GARRE1: variants seen among roughly 807,000 people sequenced by gnomAD.
GARRE1 encodes the protein granule associated Rac and RHOG effector protein 1.
In GARRE1, 49 loss-of-function variants were observed where a neutral mutation model predicts 103.2. That is an observed-to-expected ratio of 0.47 (90% CI 0.38 to 0.60). GARRE1 has a LOEUF of 0.60. Among genes scored for constraint, GARRE1 ranks in the 20% least tolerant of loss-of-function variants. The pLI is 0.00. For synonymous variants in GARRE1, 505 were observed against 532.8 expected, an observed-to-expected ratio of 0.95 and a Z score of 0.72; for missense variants, 1,199 against 1,370.5, an observed-to-expected ratio of 0.87 and a Z score of 1.98.
intron 1 of GARRE1, among the ~76,000 whole-genome samples, chr19:34,278,226 C>CT (rs2145219497): frequency 6.6e-6 from 1 of 151,882 alleles, no homozygotes; most frequent in Non-Finnish European, 1.5e-5. Context: ...GGTGGATCAC[C>CT]TGAGGTCAGA....
chr19:34,348,025 C>T lies in GARRE1; in HGVS notation c.2670C>T (p.Pro890=), dbSNP rs368456219. 22 of 1,497,220 alleles carry T rather than the reference C, an allele frequency of 1.5e-5. No individual in the cohort carries two copies. The highest frequency in any genetic ancestry group is 1.9e-4 in the Middle Eastern group (1 of 5,308). 92.7% of individuals were successfully genotyped at this position (1,497,220 alleles called of 1,614,324 possible). A position where few individuals can be genotyped will look rare whatever the true frequency, so the allele number is the denominator to read the frequency against. Residue 890 remains proline, a synonymous_variant, in exon 11 of 14, where the codon CCC becomes CCT. Transcript: ENST00000299505. ...ACGCGCATCGGACCTGGCCCTTCCC[C>T]GAGTTCTTCACAGAAGGGTGAGTGC... ...MDDAHRTWPF[P]EFFTEGDGLH...
chr19:34,342,353 G>A lies in GARRE1; in HGVS notation c.2419G>A (p.Gly807Arg). 1 of 1,614,122 alleles carries A rather than the reference G, an allele frequency of 6.2e-7. No homozygotes were observed. Among genetic ancestry groups the A allele is most frequent in the East Asian group, 2.2e-5 (1 of 44,868 alleles). Residue 807 changes from glycine (G) to arginine (R), a missense_variant, in exon 10 of 14, where the codon GGA becomes AGA. Gly to Arg is a moderately radical substitution (Grantham distance 125). Coordinates refer to ENST00000299505, the MANE Select transcript of GARRE1 (RefSeq NM_014686.5). ...YMDNVMSEVLGQKPQGPRNNT... is the reference protein window; with the variant it reads ...YMDNVMSEVLRQKPQGPRNNT... ...GGATAATGTGATGTCAGAGGTTCTG[G>A]GACAGAAGCCGCAGGGACCTAGAAA... is the stretch of plus-strand genomic sequence containing the variant.
chr19:34,277,130 A>G (rs2073821520), intron 1 of GARRE1, among the ~76,000 whole-genome samples: 1 of 152,146 alleles, frequency 6.6e-6, no homozygotes, highest in Non-Finnish European at 1.5e-5. Context: ...TTGGGGCACT[A>G]GAAGAACTGG....
At chr19:34,309,193 C>T (rs1599766933) in intron 2 of GARRE1, among the ~76,000 whole-genome samples, 1 of 152,068 alleles carries the variant, frequency 6.6e-6, no homozygotes, top group African/African-American at 2.4e-5. Context: ...GGCAACCAGA[C>T]AAATTCACAA....
chr19:34,260,311 A>C (rs548173355), intron 1 of GARRE1, among the ~76,000 whole-genome samples: 1 of 149,734 alleles, frequency 6.7e-6, no homozygotes, highest in African/African-American at 2.4e-5. Context: ...TTGCATACTT[A>C]ACAGACTACA....
chr19:34,315,866 ATGT>A (rs2074058019), intron 2 of GARRE1, among the ~76,000 whole-genome samples: 1 of 152,184 alleles, frequency 6.6e-6, no homozygotes. Context: ...TTAGCAGCAG[ATGT>A]TGTGTGTGTG....
At chr19:34,308,793 T>C (rs1489725409) in intron 2 of GARRE1, among the ~76,000 whole-genome samples, 1 of 152,112 alleles carries the variant, frequency 6.6e-6, no homozygotes, top group Non-Finnish European at 1.5e-5. Context: ...GTAGAAACTG[T>C]TTTTCATGGT....
intron 1 of GARRE1, among the ~76,000 whole-genome samples, chr19:34,272,538 C>T (rs529354367): frequency 2.6e-4 from 40 of 152,224 alleles, no homozygotes; most frequent in Non-Finnish European, 3.7e-4. Flanking sequence ...AGAGATGTCT[C>T]CTGGGTCTGG....
intron 3 of GARRE1, among the ~76,000 whole-genome samples, chr19:34,323,342 T>C (rs2074098427): frequency 6.6e-6 from 1 of 152,238 alleles, no homozygotes; most frequent in Non-Finnish European, 1.5e-5. Context: ...AGTATTTCAT[T>C]TTATGTTTTG....
intron 1 of GARRE1, among the ~76,000 whole-genome samples, chr19:34,266,991 T>C (rs1599746691): frequency 6.6e-6 from 1 of 152,152 alleles, no homozygotes; most frequent in African/African-American, 2.4e-5. Context: ...GGGCCAGACA[T>C]GGTAGTTTAT....
rs146643118 is a variant in GARRE1, at chr19:34,300,934, C to T, written c.461C>T (p.Thr154Met). 361 of 1,603,768 alleles carry T rather than the reference C, an allele frequency of 2.3e-4. 2 individuals are homozygous for T. In the African/African-American group the frequency reaches 4.0e-3, roughly 18 times the overall value. The change falls in exon 2 of 14, where the codon ACG (threonine) becomes ATG (methionine). Residue 154 changes from threonine (T) to methionine (M), a missense_variant. Coordinates refer to ENST00000299505, the MANE Select transcript of GARRE1 (RefSeq NM_014686.5). ...CTTAGTGCTGGGGCTGCAAATTTTA[C>T]GGATCAGAAGGAATTCAGTCTCCAG... ...MELSAGAANF[T>M]DQKEFSLQDI...
intron 1 of GARRE1, among the ~76,000 whole-genome samples, chr19:34,291,763 T>C (rs1251473175): frequency 3.3e-5 from 5 of 152,192 alleles, no homozygotes; most frequent in Admixed American, 3.3e-4. Flanking sequence ...TTGGATGACA[T>C]TTCAAGCCAT....
intron 1 of GARRE1, among the ~76,000 whole-genome samples, chr19:34,292,543 C>A (rs926365870): frequency 3.3e-5 from 5 of 152,054 alleles, no homozygotes; most frequent in African/African-American, 1.2e-4. Flanking sequence ...ATTTTGAGGA[C>A]CTGCCAAACT....
At position 34,349,078 on chromosome 19, in the gene GARRE1, C is replaced by T. The variant is rs746328668; in HGVS notation, c.2750C>T (p.Thr917Ile). ...GACTCTGCCAGCTCGAGTGATGAGACATCCTCAGCCAACGGGGACAGCTTG... is the reference window on the plus strand; with the variant it reads ...GACTCTGCCAGCTCGAGTGATGAGATATCCTCAGCCAACGGGGACAGCTTG... The part of the protein sequence containing the change: ...QGDSASSSDE[T>I]SSANGDSLFS... Residue 917 changes from threonine to isoleucine, a missense_variant, in exon 12 of 14, where the codon ACA becomes ATA. Transcript: ENST00000299505. 1.9e-6 allele frequency: 3 copies of T among 1,612,840 alleles called. No individual in the cohort carries two copies. The highest frequency in any genetic ancestry group is 2.5e-6 in the Non-Finnish European group (3 of 1,179,984).
intron 1 of GARRE1, among the ~76,000 whole-genome samples, chr19:34,287,910 T>G (rs542700654): frequency 6.6e-6 from 1 of 152,196 alleles, no homozygotes; most frequent in African/African-American, 2.4e-5. Flanking sequence ...TTTCAACATA[T>G]GCATTTTTGG....
intron 2 of GARRE1, among the ~76,000 whole-genome samples, chr19:34,315,081 A>G (rs3786891): frequency 6.6e-6 from 1 of 152,232 alleles, no homozygotes; most frequent in East Asian, 1.9e-4. Context: ...TCTTGTACCT[A>G]CTTACACTGG....
intron 10 of GARRE1, among the ~76,000 whole-genome samples, chr19:34,345,686 G>T (rs1472086811): frequency 6.6e-6 from 1 of 152,168 alleles, no homozygotes; most frequent in African/African-American, 2.4e-5. Flanking sequence ...GCCAGGTGTG[G>T]TGGCACACAC....
At chr19:34,282,559 G>T (rs975588195) in intron 1 of GARRE1, among the ~76,000 whole-genome samples, 1 of 152,154 alleles carries the variant, frequency 6.6e-6, no homozygotes, top group Non-Finnish European at 1.5e-5. Context: ...TCTGAGGTCT[G>T]ATCACCTTTT....
intron 1 of GARRE1, chr19:34,285,075 GAAAT>G (rs1249691764): frequency 6.6e-6 from 1 of 151,916 alleles, no homozygotes; most frequent in African/African-American, 2.4e-5. Flanking sequence ...AATAAAAACA[GAAAT>G]AAAATAATAA....
Sources: allele counts gnomAD v4.1 joint callset (sites outside exome capture counted in the v4.1 genomes callset), GRCh38; gene constraint gnomAD v4.1.1; transcripts MANE v1.5; gene names NCBI Gene and HGNC (gene_info 2026-07-23, HGNC 2026-07-21).